Variants in ROBO1 observed in about 807,000 individuals in gnomAD.
The protein encoded by ROBO1 is roundabout guidance receptor 1.
In ROBO1, 149 loss-of-function variants were observed where a neutral mutation model predicts 195.9. That is an observed-to-expected ratio of 0.76 (90% CI 0.67 to 0.87). The LOEUF (loss-of-function observed/expected upper bound fraction) is 0.87, where lower values mean the gene tolerates loss of function less well. Ranked by LOEUF, ROBO1 falls within the 40% of genes least tolerant of loss-of-function variation. The pLI is 0.00. For missense variants in ROBO1, 1,933 were observed against 2,068.3 expected (o/e 0.93, Z 1.27); for synonymous variants, 816 against 733.2 (o/e 1.11, Z -1.82).
At chr3:78,925,995 C>G (rs1272331976) in intron 4 of ROBO1, among the ~76,000 whole-genome samples, 1 of 152,078 alleles carries the variant, frequency 6.6e-6, no homozygotes, top group Non-Finnish European at 1.5e-5. Context: ...CTCAGCCTCC[C>G]CAGTAGCTGC....
intron 3 of ROBO1, among the ~76,000 whole-genome samples, chr3:79,027,986 C>T (rs931283748): frequency 6.6e-6 from 1 of 151,930 alleles, no homozygotes; most frequent in African/African-American, 2.4e-5. Flanking sequence ...CTAAATATTA[C>T]TTTTTACCTA....
intron 2 of ROBO1, among the ~76,000 whole-genome samples, chr3:79,421,046 A>C (rs2038203444): frequency 1.3e-5 from 2 of 152,160 alleles, no homozygotes; most frequent in Admixed American, 1.3e-4. Flanking sequence ...TAGCCATAAA[A>C]AAGAAATAGA....
intron 3 of ROBO1, among the ~76,000 whole-genome samples, chr3:78,946,838 C>G (rs545954127): frequency 6.6e-6 from 1 of 151,996 alleles, no homozygotes; most frequent in African/African-American, 2.4e-5. Context: ...ATCTACCAAG[C>G]AAATGGAAAA....
chr3:79,690,359 A>G (rs1180800984), intron 1 of ROBO1, among the ~76,000 whole-genome samples: 2 of 152,004 alleles, frequency 1.3e-5, no homozygotes, highest in African/African-American at 4.8e-5. Context: ...TGATGAGAGG[A>G]CAAGAGAACA....
intron 4 of ROBO1, among the ~76,000 whole-genome samples, chr3:78,784,974 A>G (rs995091963): frequency 1.3e-5 from 2 of 152,200 alleles, no homozygotes; most frequent in African/African-American, 2.4e-5. Flanking sequence ...GTACAGCTGC[A>G]CAGGTTATTC....
intron 2 of ROBO1, among the ~76,000 whole-genome samples, chr3:79,332,323 G>A (rs576181841): frequency 1.4e-3 from 213 of 152,130 alleles, no homozygotes; most frequent in Non-Finnish European, 2.8e-3. Context: ...TATAACATTT[G>A]TGTAAAATTT....
At chr3:78,973,805 G>A (rs1030153559) in intron 3 of ROBO1, among the ~76,000 whole-genome samples, 6 of 151,592 alleles carry the variant, frequency 4.0e-5, no homozygotes, top group African/African-American at 9.7e-5. Flanking sequence ...ATCATATATC[G>A]GTTCTCTGAA....
At chr3:79,352,421 A>G (rs939289140) in intron 2 of ROBO1, among the ~76,000 whole-genome samples, 3 of 152,222 alleles carry the variant, frequency 2.0e-5, no homozygotes, top group Non-Finnish European at 2.9e-5. Flanking sequence ...CACAACTATA[A>G]TGCATTATCA....
At chr3:79,371,219 G>A (rs1000046104) in intron 2 of ROBO1, among the ~76,000 whole-genome samples, 1 of 152,072 alleles carries the variant, frequency 6.6e-6, no homozygotes, top group Non-Finnish European at 1.5e-5. Context: ...AGATTACTGG[G>A]TCAAATGGTG....
intron 2 of ROBO1, among the ~76,000 whole-genome samples, chr3:79,373,570 A>G (rs913632226): frequency 2.0e-5 from 3 of 152,212 alleles, no homozygotes; most frequent in Non-Finnish European, 4.4e-5. Flanking sequence ...AGAGAACAAT[A>G]AATAAATTTT....
At chr3:79,309,396 C>T (rs371911115) in intron 2 of ROBO1, among the ~76,000 whole-genome samples, 45 of 152,038 alleles carry the variant, frequency 3.0e-4, no homozygotes, top group African/African-American at 1.0e-3. Context: ...CGGTGAAACC[C>T]CCATCTTGCC....
intron 4 of ROBO1, among the ~76,000 whole-genome samples, chr3:78,837,928 C>A (rs965136735): frequency 3.3e-5 from 5 of 152,112 alleles, no homozygotes; most frequent in Non-Finnish European, 7.4e-5. Context: ...TGGCAAATAT[C>A]GTCAACCTAC....
At chr3:79,208,007 A>G (rs2081902758) in intron 2 of ROBO1, among the ~76,000 whole-genome samples, 1 of 152,156 alleles carries the variant, frequency 6.6e-6, no homozygotes, top group South Asian at 2.1e-4. Flanking sequence ...TCTCTAAAAA[A>G]AGTTTTATTT....
intron 10 of ROBO1, among the ~76,000 whole-genome samples, chr3:78,684,874 T>A (rs193020651): frequency 0.011 from 1,709 of 152,246 alleles, 14 homozygotes; most frequent in Non-Finnish European, 0.017. Flanking sequence ...CTTCTCTTCT[T>A]TTATTCGTGT....
chr3:79,230,240 C>A (rs781600697), intron 2 of ROBO1, among the ~76,000 whole-genome samples: 11 of 152,148 alleles, frequency 7.2e-5, no homozygotes, highest in Non-Finnish European at 1.6e-4. Flanking sequence ...TAAAGGATTG[C>A]AGACTCTCTT....
chr3:79,307,269 A>G (rs1378299376), intron 2 of ROBO1, among the ~76,000 whole-genome samples: 1 of 152,086 alleles, frequency 6.6e-6, no homozygotes, highest in Non-Finnish European at 1.5e-5. Context: ...AGTTCAAACT[A>G]TAGACATTAT....
intron 2 of ROBO1, among the ~76,000 whole-genome samples, chr3:79,385,167 C>G (rs998668259): frequency 3.3e-5 from 5 of 152,172 alleles, no homozygotes; most frequent in African/African-American, 1.2e-4. Flanking sequence ...AGGAATTTCA[C>G]TATTTGTATT....
Position 78,717,864 on chromosome 3 carries a change from A to G in ROBO1, c.677T>C (p.Met226Thr). ...ERITIRGGKLMITYTRKSDAG... is the reference protein window; with the variant it reads ...ERITIRGGKLTITYTRKSDAG... ...GTCACTTTTACGGGTGTAAGTGATC[A>G]TGAGCTTTCCTCCTCGTATCTTAAA... Residue 226 changes from methionine to threonine, a missense_variant, in exon 6 of 31, where the codon ATG becomes ACG. Transcript: ENST00000464233. 6.2e-7 allele frequency: 1 copy of G among 1,613,634 alleles called. No homozygotes were observed. Among genetic ancestry groups the G allele is most frequent in the Non-Finnish European group, 8.5e-7 (1 of 1,179,660 alleles).
intron 2 of ROBO1, among the ~76,000 whole-genome samples, chr3:79,291,619 C>A: frequency 6.6e-6 from 1 of 152,158 alleles, no homozygotes; most frequent in Middle Eastern, 3.2e-3. Flanking sequence ...ACAACAAGGG[C>A]TATTTCAATC....
Sources: allele counts gnomAD v4.1 joint callset (sites outside exome capture counted in the v4.1 genomes callset), GRCh38; gene constraint gnomAD v4.1.1; transcripts MANE v1.5; gene names NCBI Gene and HGNC (gene_info 2026-07-23, HGNC 2026-07-21).